Variants in LPIN1 observed in about 807,000 individuals in gnomAD.
The protein encoded by LPIN1 is phosphatidate phosphatase LPIN1.
A neutral mutation model predicts 107.5 loss-of-function variants in LPIN1; 71 were observed. That is an observed-to-expected ratio of 0.66 (90% CI 0.55 to 0.80). The LOEUF (loss-of-function observed/expected upper bound fraction) is 0.80, where lower values mean the gene tolerates loss of function less well. Ranked by LOEUF, LPIN1 falls within the 30% of genes least tolerant of loss-of-function variation. LPIN1 has a pLI of 0.00. For missense variants in LPIN1, 1,043 were observed against 1,160.6 expected, an observed-to-expected ratio of 0.90 and a Z score of 1.47; for synonymous variants, 445 against 452.6, an observed-to-expected ratio of 0.98 and a Z score of 0.21.
chr2:11,817,845 A>C (rs1680837315), intron 18 of LPIN1: 1 of 148,690 alleles, frequency 6.7e-6, no homozygotes, highest in African/African-American at 2.5e-5. Context: ...AGGCAGGAGA[A>C]TTACATGAAC....
intron 13 of LPIN1, among the ~76,000 whole-genome samples, 200 bp from the exon 14 acceptor site, chr2:11,795,208 C>T (rs1159408395): frequency 1.3e-5 from 2 of 152,166 alleles, no homozygotes; most frequent in Admixed American, 6.5e-5. Flanking sequence ...TTTAATCGTA[C>T]ACTTCTTAGC....
chr2:11,735,695 G>T (rs1665727866), intron 1 of LPIN1, among the ~76,000 whole-genome samples: 1 of 152,222 alleles, frequency 6.6e-6, no homozygotes, highest in African/African-American at 2.4e-5. Flanking sequence ...GATGAAAGGG[G>T]TTGTGTTAGG....
chr2:11,704,665 C>T (rs1663039603), intron 1 of LPIN1, among the ~76,000 whole-genome samples: 1 of 152,200 alleles, frequency 6.6e-6, no homozygotes, highest in South Asian at 2.1e-4. Context: ...ATGCATCCAG[C>T]CCCTCATTGT....
At chr2:11,766,138 C>G (rs1670841314) in intron 2 of LPIN1, among the ~76,000 whole-genome samples, 1 of 152,158 alleles carries the variant, frequency 6.6e-6, no homozygotes, top group Admixed American at 6.5e-5. Context: ...TACCAACTAC[C>G]CATGGCCTCT....
intron 1 of LPIN1, among the ~76,000 whole-genome samples, chr2:11,764,658 G>A (rs1257097277): frequency 6.6e-6 from 1 of 152,238 alleles, no homozygotes; most frequent in Non-Finnish European, 1.5e-5. Context: ...GGCAGGCAAA[G>A]GCCACATGGA....
At chr2:11,790,149 G>C (rs1368824171) in intron 12 of LPIN1, among the ~76,000 whole-genome samples, 1 of 152,204 alleles carries the variant, frequency 6.6e-6, no homozygotes, top group Non-Finnish European at 1.5e-5. Context: ...TTTGTTTCAA[G>C]TGTAATGAGA....
intron 1 of LPIN1, among the ~76,000 whole-genome samples, chr2:11,748,459 G>A (rs979039839): frequency 3.3e-5 from 5 of 152,100 alleles, no homozygotes; most frequent in African/African-American, 1.2e-4. Flanking sequence ...TAAAATGAAG[G>A]GATAATCATA....
intron 1 of LPIN1, among the ~76,000 whole-genome samples, chr2:11,729,944 G>T (rs1665025150): frequency 6.6e-6 from 1 of 151,902 alleles, no homozygotes; most frequent in Non-Finnish European, 1.5e-5. Context: ...TGGGCTTCTT[G>T]GACCTATAGC....
intron 1 of LPIN1, among the ~76,000 whole-genome samples, chr2:11,710,841 T>C (rs1663370451): frequency 6.6e-6 from 1 of 152,152 alleles, no homozygotes; most frequent in Admixed American, 6.5e-5. Context: ...TCACACTTTA[T>C]GTTGGAATTT....
intron 14 of LPIN1, among the ~76,000 whole-genome samples, chr2:11,798,564 G>A (rs912297264): frequency 6.6e-6 from 1 of 152,126 alleles, no homozygotes; most frequent in African/African-American, 2.4e-5. Context: ...GGCAAAAAAT[G>A]CTTTTTCCCA....
intron 13 of LPIN1, among the ~76,000 whole-genome samples, chr2:11,793,694 C>A (rs1676181097): frequency 6.6e-6 from 1 of 152,236 alleles, no homozygotes; most frequent in Admixed American, 6.5e-5. Context: ...ACTAGCAGAT[C>A]CAGTAGCCCT....
At chr2:11,713,078 G>C (rs1243380121) in intron 1 of LPIN1, among the ~76,000 whole-genome samples, 1 of 152,218 alleles carries the variant, frequency 6.6e-6, no homozygotes, top group Non-Finnish European at 1.5e-5. Context: ...GGCAGCACTT[G>C]AGTCATGTCT....
At chr2:11,767,031 A>T (rs1398020553) in intron 2 of LPIN1, among the ~76,000 whole-genome samples, 1 of 152,158 alleles carries the variant, frequency 6.6e-6, no homozygotes, top group East Asian at 1.9e-4. Context: ...TTTTATTTCT[A>T]GTTTATTTTC....
At chr2:11,721,438 C>T (rs139058819), upstream of LPIN1, among the ~76,000 whole-genome samples, 34 of 152,074 alleles carry the variant, frequency 2.2e-4, no homozygotes, top group East Asian at 4.3e-3. Flanking sequence ...GTGTAAGGAC[C>T]GAGTTCCCCA....
At chr2:11,793,004 C>T (rs965693940) in intron 13 of LPIN1, among the ~76,000 whole-genome samples, 1 of 152,178 alleles carries the variant, frequency 6.6e-6, no homozygotes, top group Non-Finnish European at 1.5e-5. Flanking sequence ...TCTGCCCATG[C>T]GATGACTCCA....
intron 18 of LPIN1, chr2:11,817,965 G>T (rs1225420135): frequency 2.8e-5 from 4 of 141,264 alleles, no homozygotes; most frequent in Non-Finnish European, 4.6e-5. Flanking sequence ...AAAAAAGACT[G>T]CCCTGCCCTT....
chr2:11,771,269 A>C lies in LPIN1; in HGVS notation c.289-103A>C. On this transcript the variant is annotated intron_variant, in intron 3 of 20. Transcript: ENST00000674199. The surrounding 1 kb of genome is among the most constrained non-coding windows in gnomAD (Gnocchi z 4.8). ...GCCATCTGCTGTGGCCCTCCCCAGG[A>C]GGTGCTTGGCCTCTGAAGTGAATCC... 8.8e-7 allele frequency: 1 copy of C among 1,131,556 alleles called. No individual in the cohort carries two copies. The highest frequency in any genetic ancestry group is 1.5e-5 in the African/African-American group (1 of 65,626). 70.1% of individuals were successfully genotyped at this position (1,131,556 alleles called of 1,614,324 possible). A position where few individuals can be genotyped will look rare whatever the true frequency, so the allele number is the denominator to read the frequency against.
chr2:11,820,529 C>T lies in LPIN1; in HGVS notation c.2621+15C>T. 1.9e-6 allele frequency: 3 copies of T among 1,554,692 alleles called. No homozygotes were observed. The highest frequency in any genetic ancestry group is 2.7e-6 in the Non-Finnish European group (3 of 1,125,658). On this transcript the variant is annotated intron_variant, in intron 20 of 20. Transcript: ENST00000674199. ...AACATCTCTTCGTGAGTATTGTACA[C>T]ATTTTATGTGATTATGATATCAGTA...
chr2:11,731,937 G>A (rs1226859750), intron 1 of LPIN1, among the ~76,000 whole-genome samples: 1 of 151,666 alleles, frequency 6.6e-6, no homozygotes. Flanking sequence ...TTTCTTGCTT[G>A]TAAATTTGTT....
Sources: gnomAD v4.1 joint callset for allele counts (sites outside exome capture counted in the v4.1 genomes callset) on GRCh38, gnomAD v4.1.1 for gene constraint, Gnocchi (gnomAD v3.1) non-coding constraint, MANE v1.5 for transcripts, NCBI Gene and HGNC (gene_info 2026-07-23, HGNC 2026-07-21) for gene names.